ULK2: variants seen among roughly 807,000 people sequenced by gnomAD.
ULK2 encodes the protein unc-51 like autophagy activating kinase 2.
In ULK2, 76 loss-of-function variants were observed where a neutral mutation model predicts 127.5. The observed-to-expected ratio is 0.60, with a 90% CI of 0.50 to 0.72. ULK2 has a LOEUF of 0.72. Among genes scored for constraint, ULK2 ranks in the 30% least tolerant of loss-of-function variants. The probability of loss-of-function intolerance (pLI) is 0.00; values close to 1 mark genes in which losing one functional copy is unlikely to be tolerated. For missense variants in ULK2, 1,144 were observed against 1,295.9 expected (o/e 0.88, Z 1.80); for synonymous variants, 452 against 461.9 (o/e 0.98, Z 0.28).
At chr17:19,803,248 C>T (rs1334808654) in intron 15 of ULK2, among the ~76,000 whole-genome samples, 1 of 152,182 alleles carries the variant, frequency 6.6e-6, no homozygotes, top group Non-Finnish European at 1.5e-5. Flanking sequence ...AAGATAACTA[C>T]TCTAATATGT....
At chr17:19,821,854 T>C (rs2041155067) in intron 12 of ULK2, among the ~76,000 whole-genome samples, 1 of 152,082 alleles carries the variant, frequency 6.6e-6, no homozygotes, top group Non-Finnish European at 1.5e-5. Flanking sequence ...CCCAGCTAAT[T>C]TTTAATTTTT....
chr17:19,861,627 A>G (rs1292818056), intron 3 of ULK2, among the ~76,000 whole-genome samples: 2 of 152,180 alleles, frequency 1.3e-5, no homozygotes, highest in Non-Finnish European at 2.9e-5. Context: ...GTATCTCTCC[A>G]AGATTGGGAA....
At chr17:19,813,389 AC>A (rs2040891130) in intron 13 of ULK2, among the ~76,000 whole-genome samples, 1 of 152,236 alleles carries the variant, frequency 6.6e-6, no homozygotes, top group Non-Finnish European at 1.5e-5. Flanking sequence ...AGAAAAACTC[AC>A]TAAAAGGGTA....
At chr17:19,780,911 C>CA in intron 24 of ULK2, 75 bp downstream of exon 24, 1 of 1,335,406 alleles carries the variant, frequency 7.5e-7, no homozygotes, top group Non-Finnish European at 1.1e-6. Flanking sequence ...ACTCATCAGA[C>CA]ACTCTCTCAC....
At chr17:19,807,936 C>A (rs2087548807) in intron 14 of ULK2, among the ~76,000 whole-genome samples, 1 of 152,062 alleles carries the variant, frequency 6.6e-6, no homozygotes, top group Non-Finnish European at 1.5e-5. Flanking sequence ...GAAACCCCGT[C>A]TCTACTAAAA....
At position 19,796,055 on chromosome 17, in the gene ULK2, A is replaced by T. The variant is rs1365594908; in HGVS notation, c.1997+40T>A. ...ACAGAAATCTATGTTTTACTATTACAGTTTTCATGTTTAATGCTAGAATGG... is the reference window on the plus strand; with the variant it reads ...ACAGAAATCTATGTTTTACTATTACTGTTTTCATGTTTAATGCTAGAATGG... On this transcript the variant is annotated intron_variant, in intron 19 of 26. Transcript: ENST00000395544. 1.9e-6 allele frequency: 3 copies of T among 1,571,384 alleles called. No homozygotes were observed. In the African/African-American group the frequency reaches 4.1e-5, roughly 21 times the overall value.
chr17:19,826,117 A>T, intron 11 of ULK2, 22 bp downstream of exon 11: 1 of 1,397,510 alleles, frequency 7.2e-7, no homozygotes, highest in Non-Finnish European at 9.5e-7. Context: ...TTTAAGTGAA[A>T]ATACAAAAAA....
chr17:19,773,597 G>C lies in ULK2; in HGVS notation c.*2752C>G, dbSNP rs2086766492. The C allele has an allele frequency of 6.6e-6, 1 of 152,276 alleles. No homozygotes were observed. Among genetic ancestry groups the C allele is most frequent in the South Asian group, 2.1e-4 (1 of 4,830 alleles). The allele number at this position is 152,276 out of a possible 1,614,324, so 9.4% of individuals were successfully genotyped here. A position where few individuals can be genotyped will look rare whatever the true frequency, so the allele number is the denominator to read the frequency against. On this transcript the variant is annotated 3_prime_UTR_variant, in exon 27 of 27. Transcript: ENST00000395544. Reference sequence around the variant, plus strand: ...TGATATTCCCAGACAAGTGCCAGGAGAGAAGCTGTTGCAAATGCTGAGTGG... The same window carrying C: ...TGATATTCCCAGACAAGTGCCAGGACAGAAGCTGTTGCAAATGCTGAGTGG...
chr17:19,865,073 A>C (rs1434939013), intron 2 of ULK2, among the ~76,000 whole-genome samples: 1 of 151,872 alleles, frequency 6.6e-6, no homozygotes, highest in Non-Finnish European at 1.5e-5. Flanking sequence ...TTCTTAAAAA[A>C]GAGCTCTCCA....
intron 14 of ULK2, among the ~76,000 whole-genome samples, chr17:19,806,224 A>G (rs2087512889): frequency 6.6e-6 from 1 of 152,178 alleles, no homozygotes; most frequent in South Asian, 2.1e-4. Flanking sequence ...ATCAATTATC[A>G]GAATGTGAAA....
intron 12 of ULK2, among the ~76,000 whole-genome samples, chr17:19,822,690 T>A (rs1164267876): frequency 3.3e-5 from 5 of 151,510 alleles, no homozygotes; most frequent in Admixed American, 6.6e-5. Context: ...TTTGTTTGGT[T>A]TGTTTTTTTT....
chr17:19,820,054 T>A (rs981018895), intron 12 of ULK2, among the ~76,000 whole-genome samples: 14 of 1,912 alleles, frequency 7.3e-3, no homozygotes, highest in Non-Finnish European at 0.02. Flanking sequence ...ACTTTATTTA[T>A]TTTTTTTTTT....
Position 19,849,398 on chromosome 17 carries a change from T to C in ULK2, c.266A>G (p.Asn89Ser), listed in dbSNP as rs200899917. The change falls in exon 5 of 27, where the codon AAT becomes AGT. Residue 89 changes from asparagine to serine, a missense_variant. Asn to Ser is a conservative substitution (Grantham distance 46). Around this residue, in one of 2 missense-constraint regions of ULK2, gnomAD observed 231 missense variants for 325.4 expected, o/e 0.71. Transcript: ENST00000395544. ...CAAATAATCTGCGAGGTCTCCACCA[T>C]TGCAATACTGACATAGAAAAGAGAA... ...NSVFLVMEYC[N>S]GGDLADYLQA... 21 of 1,607,676 alleles carry C rather than the reference T, an allele frequency of 1.3e-5. No individual in the cohort carries two copies. The highest frequency in any genetic ancestry group is 2.2e-5 in the East Asian group (1 of 44,792).
In ULK2 at chr17:19,865,748, A is replaced by C. The variant is rs374986956; in HGVS notation, c.171T>G (p.Ile57Met). Residue 57 changes from isoleucine (I) to methionine (M), a missense_variant, in exon 2 of 27, where the codon ATT becomes ATG. Ile to Met is a conservative substitution (Grantham distance 10). Around this residue, in one of 2 missense-constraint regions of ULK2, gnomAD observed 231 missense variants for 325.4 expected, o/e 0.71. Transcript: ENST00000395544. ...SKSQILLGKE[I>M]KILKELQHEN... ...TAAAGTAACATACCTTTAAGATTTT[A>C]ATTTCCTTTCCAAGCAGTATTTGTG... 2.6e-6 allele frequency: 4 copies of C among 1,517,306 alleles called. No individual in the cohort carries two copies. The highest frequency in any genetic ancestry group is 3.7e-5 in the Admixed American group (2 of 54,454). The allele number at this position is 1,517,306 out of a possible 1,614,324, so 94.0% of individuals were successfully genotyped here.
At position 19,840,875 on chromosome 17, in the gene ULK2, C is replaced by T. The variant is rs188708024; in HGVS notation, c.704+614G>A. On this transcript the variant is annotated intron_variant, in intron 9 of 26. Coordinates refer to ENST00000395544, the MANE Select transcript of ULK2 (RefSeq NM_014683.4). ...CTGCACTCCAGCCTGGGTGACAGAG[C>T]AAGACTCTGTCTCAAAAACAAAAAA... 4.3e-3 allele frequency among the ~76,000 whole-genome samples: 649 copies of T among 151,760 alleles called. 5 individuals are homozygous for T. Among genetic ancestry groups the T allele is most frequent in the African/African-American group, 0.015 (622 of 41,338 alleles).
chr17:19,849,431 A>C (rs1272587637), intron 4 of ULK2, 26 bp from the exon 5 acceptor site: 2 of 1,593,092 alleles, frequency 1.3e-6, no homozygotes, highest in Non-Finnish European at 1.7e-6. Context: ...GAAAGTAATG[A>C]AAATAAGGAC....
intron 15 of ULK2, among the ~76,000 whole-genome samples, chr17:19,804,058 G>T (rs2087458525): frequency 6.6e-6 from 1 of 151,974 alleles, no homozygotes; most frequent in South Asian, 2.1e-4. Context: ...GAAATTTACT[G>T]AACTCTCTCT....
At chr17:19,860,563 T>C (rs1179314981) in intron 3 of ULK2, among the ~76,000 whole-genome samples, 4 of 151,570 alleles carry the variant, frequency 2.6e-5, no homozygotes, top group African/African-American at 4.8e-5. Context: ...TCCCTCTTGT[T>C]GCCCAGGCTG....
At chr17:19,824,446 CAAAAAAAAAAAAAAAAA>C (rs397943235) in intron 12 of ULK2, among the ~76,000 whole-genome samples, 4 of 9,904 alleles carry the variant, frequency 4.0e-4, no homozygotes, top group East Asian at 5.7e-3. Context: ...AACTCCATCT[CAAAAAAAAAAAAAAAAA>C]AAAAAAAAAA....
Sources: allele counts gnomAD v4.1 joint callset (sites outside exome capture counted in the v4.1 genomes callset), GRCh38; gene constraint gnomAD v4.1.1; regional missense constraint gnomAD v4.1.1; transcripts MANE v1.5; gene names NCBI Gene and HGNC (gene_info 2026-07-23, HGNC 2026-07-21).